The following TBCK variants were observed in gnomAD, a reference collection of about 807,000 sequenced individuals.
TBCK encodes TBC1 domain containing kinase.
In TBCK, 99 loss-of-function variants were observed where a neutral mutation model predicts 113.4. The ratio of observed to expected loss-of-function variants is 0.87; its 90% CI spans 0.74 to 1.03. The LOEUF is 1.03. Among genes scored for constraint, TBCK ranks in the 50% least tolerant of loss-of-function variants. TBCK has a pLI of 0.00. For missense variants in TBCK, 1,045 were observed against 1,061.3 expected (o/e 0.98, Z 0.21); for synonymous variants, 369 against 370.8 (o/e 1.00, Z 0.05).
chr4:106,251,999 G>A lies in TBCK; in HGVS notation c.464C>T (p.Ser155Leu), dbSNP rs746213628. Residue 155 changes from serine to leucine, a missense_variant, in exon 6 of 26, where the codon TCG (serine) becomes TTG (leucine). By Grantham distance (145) the Ser-to-Leu change is moderately radical. Transcript: ENST00000394708. ...TGCAATTACCTCAGGGGCCAAGTAC[G>A]AGGGATACCTGTAATGATACATTAA... Reference protein sequence around the residue: ...DDVDFPIGYPSYLAPEVIAQG... With the variant: ...DDVDFPIGYPLYLAPEVIAQG... 25 of 1,603,768 alleles carry A rather than the reference G, an allele frequency of 1.6e-5. No individual in the cohort carries two copies. The highest frequency in any genetic ancestry group is 6.9e-5 in the Admixed American group (4 of 58,368).
chr4:106,238,501 C>A (rs1311016480), intron 12 of TBCK: 1 of 152,008 alleles, frequency 6.6e-6, no homozygotes, highest in African/African-American at 2.4e-5. Flanking sequence ...TGGGAACCTA[C>A]ATAACAGACC....
intron 24 of TBCK, among the ~76,000 whole-genome samples, chr4:106,101,711 A>G (rs1170128864): frequency 3.9e-5 from 6 of 152,204 alleles, no homozygotes; most frequent in Admixed American, 2.0e-4. Flanking sequence ...CCTTGAGCAA[A>G]AACTCAGCCT....
intron 3 of TBCK, among the ~76,000 whole-genome samples, chr4:106,269,298 AAG>A (rs2150124690): frequency 6.6e-6 from 1 of 152,278 alleles, no homozygotes; most frequent in South Asian, 2.1e-4. Flanking sequence ...TTGAACACAA[AAG>A]AGCTCAGCTA....
intron 6 of TBCK, 109 bp from the exon 7 acceptor site, chr4:106,250,587 T>A: frequency 1.7e-6 from 1 of 585,406 alleles, no homozygotes; most frequent in East Asian, 3.1e-5. Context: ...TCTTTATTTA[T>A]CTCCAAAAGT....
At chr4:106,127,518 A>T (rs1745372807) in intron 23 of TBCK, among the ~76,000 whole-genome samples, 1 of 152,100 alleles carries the variant, frequency 6.6e-6, no homozygotes, top group Non-Finnish European at 1.5e-5. Flanking sequence ...AGAAATATTT[A>T]AAAAATACAA....
intron 23 of TBCK, among the ~76,000 whole-genome samples, chr4:106,126,704 C>T (rs886377224): frequency 2.0e-5 from 3 of 152,132 alleles, no homozygotes; most frequent in Non-Finnish European, 2.9e-5. Flanking sequence ...AGAATCAATT[C>T]TTATGTCTGG....
chr4:106,187,089 T>C (rs1399065333), intron 22 of TBCK, among the ~76,000 whole-genome samples: 1 of 152,158 alleles, frequency 6.6e-6, no homozygotes, highest in Non-Finnish European at 1.5e-5. Context: ...CCCATTCCAT[T>C]GATCTATGTG....
chr4:106,272,233 C>T (rs1317846872), intron 3 of TBCK, among the ~76,000 whole-genome samples: 1 of 152,094 alleles, frequency 6.6e-6, no homozygotes, highest in East Asian at 1.9e-4. Flanking sequence ...ATAATAACCG[C>T]CAGTACAGCT....
chr4:106,178,494 T>C (rs1751953646), intron 22 of TBCK, among the ~76,000 whole-genome samples: 1 of 152,006 alleles, frequency 6.6e-6, no homozygotes, highest in Admixed American at 6.6e-5. Context: ...GGTCCTCTTA[T>C]ACCCAGTTCT....
At chr4:106,116,405 A>T in intron 23 of TBCK, 27 bp from the exon 24 acceptor site, 2 of 1,568,108 alleles carry the variant, frequency 1.3e-6, no homozygotes, top group East Asian at 2.3e-5. Context: ...ACAAAAAAAA[A>T]TATTGAGAAT....
chr4:106,298,535 G>A (rs890409326), intron 2 of TBCK, among the ~76,000 whole-genome samples: 38 of 152,044 alleles, frequency 2.5e-4, no homozygotes, highest in African/African-American at 8.4e-4. Context: ...GCATGAACCC[G>A]GGAGGCAGAG....
At chr4:106,279,303 T>A (rs1173626654) in intron 3 of TBCK, among the ~76,000 whole-genome samples, 1 of 152,128 alleles carries the variant, frequency 6.6e-6, no homozygotes, top group Admixed American at 6.6e-5. Flanking sequence ...TTTTTTAAAA[T>A]TTTTTTAATT....
At chr4:106,118,044 T>TA (rs1320657968) in intron 23 of TBCK, among the ~76,000 whole-genome samples, 1 of 151,918 alleles carries the variant, frequency 6.6e-6, no homozygotes, top group African/African-American at 2.4e-5. Context: ...ACAAACACTT[T>TA]AAAAAATCAA....
intron 25 of TBCK, among the ~76,000 whole-genome samples, chr4:106,087,938 T>C (rs575599676): frequency 6.6e-6 from 1 of 152,278 alleles, no homozygotes; most frequent in Admixed American, 6.5e-5. Flanking sequence ...CCTTATGTCT[T>C]ATACAAAAAT....
intron 2 of TBCK, among the ~76,000 whole-genome samples, chr4:106,296,914 G>C (rs1766371281): frequency 6.6e-6 from 1 of 152,122 alleles, no homozygotes; most frequent in South Asian, 2.1e-4. Context: ...CGTATGCAAA[G>C]GTAAGCTCCA....
At position 106,232,983 on chromosome 4, in the gene TBCK, A is replaced by G; in HGVS notation, c.1594T>C (p.Leu532=). The G allele has an allele frequency of 6.8e-6, 11 of 1,612,582 alleles. No individual in the cohort carries two copies. Among genetic ancestry groups the G allele is most frequent in the Non-Finnish European group, 9.3e-6 (11 of 1,178,964 alleles). ...PEGHAKFRRV[L]KAWVVSHPDL... ...GGATGAGACACTACCCAGGCTTTTAATACACGCCTAAATTTTGCATGACCT... is the reference window on the plus strand; with the variant it reads ...GGATGAGACACTACCCAGGCTTTTAGTACACGCCTAAATTTTGCATGACCT... Residue 532 remains leucine (L), a synonymous_variant, in exon 17 of 26, where the codon TTA becomes CTA. Transcript: ENST00000394708.
chr4:106,258,086 C>T (rs920713771), intron 5 of TBCK, among the ~76,000 whole-genome samples: 1 of 152,008 alleles, frequency 6.6e-6, no homozygotes, highest in African/African-American at 2.4e-5. Context: ...CTTTTAATCA[C>T]AGGAAAATTA....
chr4:106,197,411 G>GTATATATATATA (rs1553957897), intron 20 of TBCK, among the ~76,000 whole-genome samples: 126 of 122,446 alleles, frequency 1.0e-3, no homozygotes, highest in South Asian at 5.9e-3. Flanking sequence ...GTGTGTGTGT[G>GTATATATATATA]TATATATATA....
At chr4:106,145,047 C>T (rs993994362) in intron 23 of TBCK, among the ~76,000 whole-genome samples, 3 of 134,312 alleles carry the variant, frequency 2.2e-5, no homozygotes, top group Admixed American at 7.4e-5. Context: ...AGGCCAGGTG[C>T]GGTGGCTTAT....
Sources: allele counts gnomAD v4.1 joint callset (sites outside exome capture counted in the v4.1 genomes callset), GRCh38; gene constraint gnomAD v4.1.1; transcripts MANE v1.5; gene names NCBI Gene and HGNC (gene_info 2026-07-23, HGNC 2026-07-21).